SYNJ2: variants seen among roughly 807,000 people sequenced by gnomAD.
SYNJ2 encodes synaptojanin 2.
In SYNJ2, 116 loss-of-function variants were observed where a neutral mutation model predicts 141.3. The ratio of observed to expected loss-of-function variants is 0.82; its 90% confidence interval spans 0.71 to 0.96. The LOEUF is 0.96. Ranked by LOEUF, SYNJ2 falls within the 40% of genes least tolerant of loss-of-function variation. The pLI is 0.00. For synonymous variants in SYNJ2, 745 were observed against 777.7 expected, an observed-to-expected ratio of 0.96 and a Z score of 0.70; for missense variants, 1,873 against 1,934.8, an observed-to-expected ratio of 0.97 and a Z score of 0.60.
rs1780047609 is a variant in SYNJ2, at chr6:158,043,225, C to T, written c.712-91C>T. The T allele has an allele frequency of 1.1e-5, 12 of 1,109,500 alleles. No individual in the cohort carries two copies. Among genetic ancestry groups the T allele is most frequent in the East Asian group, 2.4e-5 (1 of 41,330 alleles). The allele number at this position is 1,109,500 out of a possible 1,614,324, so 68.7% of individuals were successfully genotyped here. A position where few individuals can be genotyped will look rare whatever the true frequency, so the allele number is the denominator to read the frequency against. On this transcript the variant is annotated intron_variant, in intron 4 of 26. Coordinates refer to ENST00000355585, the MANE Select transcript of SYNJ2 (RefSeq NM_003898.4). This position sits in a 1 kb window ranked among gnomAD's most constrained non-coding sequence, Gnocchi z 4.0. The stretch of plus-strand genomic sequence containing the variant: ...GTCCGCCCTTCATTCTGGCTGGTGT[C>T]GGGTCACAGGTGGCCGGATCCCGTT...
rs1241557420 is a variant in SYNJ2, at chr6:158,043,914, T to C, written c.795+515T>C. On this transcript the variant is annotated intron_variant, in intron 5 of 26. Transcript: ENST00000355585. This position sits in a 1 kb window ranked among gnomAD's most constrained non-coding sequence, Gnocchi z 4.0. ...CCGTCCAAAGCAGGGCTCTGGTCAG[T>C]GCCAGAGAGATTTGGCATTCTTTCT... Among the ~76,000 whole-genome samples, 1 of 152,218 alleles carries C rather than the reference T, an allele frequency of 6.6e-6. No individual in the cohort carries two copies. Among genetic ancestry groups the C allele is most frequent in the Non-Finnish European group, 1.5e-5 (1 of 68,034 alleles).
At chr6:157,993,034 T>C (rs1777508505) in intron 1 of SYNJ2, among the ~76,000 whole-genome samples, 1 of 152,260 alleles carries the variant, frequency 6.6e-6, no homozygotes, top group Non-Finnish European at 1.5e-5. Context: ...TTCTCCATAG[T>C]GGTTGTACGC....
intron 9 of SYNJ2, among the ~76,000 whole-genome samples, chr6:158,064,109 C>A (rs964365104): frequency 2.6e-5 from 4 of 152,238 alleles, no homozygotes; most frequent in African/African-American, 9.6e-5. Context: ...GCATCCCAGA[C>A]ATGGTGGCCC....
At position 158,096,161 on chromosome 6, in the gene SYNJ2, C is replaced by T. The variant is rs189170886; in HGVS notation, c.4288C>T (p.Leu1430Phe). The change falls in exon 27 of 27, where the codon CTT becomes TTT. Residue 1430 changes from leucine (L) to phenylalanine (F), a missense_variant. Transcript: ENST00000355585. ...CCCTAAACTGTTGAATAACACTTGG[C>T]TTTCTAAGAGCTCAGACCCTTTGGA... is the stretch of plus-strand genomic sequence containing the variant. ...HHPKLLNNTWLSKSSDPLDSG... is the reference protein window; with the variant it reads ...HHPKLLNNTWFSKSSDPLDSG... The T allele has an allele frequency of 9.8e-5, 159 of 1,614,244 alleles. No individual in the cohort carries two copies. The East Asian group carries it at 3.0e-3, about 31-fold the overall frequency.
chr6:158,067,044 G>A (rs1393608704), intron 12 of SYNJ2, among the ~76,000 whole-genome samples: 1 of 152,116 alleles, frequency 6.6e-6, no homozygotes, highest in Admixed American at 6.5e-5. Flanking sequence ...TTTGAGACAA[G>A]TTTCACTCTT....
intron 1 of SYNJ2, among the ~76,000 whole-genome samples, chr6:157,989,106 C>G (rs1377412422): frequency 6.6e-6 from 1 of 152,156 alleles, no homozygotes; most frequent in Non-Finnish European, 1.5e-5. Flanking sequence ...GAAACAGTCC[C>G]AGATCACTAG....
At chr6:158,039,708 C>G (rs1352522740) in intron 4 of SYNJ2, among the ~76,000 whole-genome samples, 1 of 151,946 alleles carries the variant, frequency 6.6e-6, no homozygotes, top group East Asian at 1.9e-4. Context: ...GCCTCCCCCT[C>G]CACCTGACAT....
chr6:158,031,255 G>A (rs768851370), intron 3 of SYNJ2, among the ~76,000 whole-genome samples: 8 of 152,346 alleles, frequency 5.3e-5, no homozygotes, highest in South Asian at 2.1e-4. Flanking sequence ...AGCTCTCAGC[G>A]GCAGTGAGGG....
intron 6 of SYNJ2, among the ~76,000 whole-genome samples, chr6:158,055,994 A>G (rs541912749): frequency 6.6e-5 from 10 of 152,358 alleles, no homozygotes; most frequent in South Asian, 6.2e-4. Flanking sequence ...AATAGTGAAC[A>G]TGAAACCAAA....
chr6:158,071,570 G>C lies in SYNJ2; in HGVS notation c.1941-32G>C. On this transcript the variant is annotated intron_variant, in intron 14 of 26. Coordinates refer to ENST00000355585, the MANE Select transcript of SYNJ2 (RefSeq NM_003898.4). The surrounding 1 kb of genome is among the most constrained non-coding windows in gnomAD (Gnocchi z 4.3). The stretch of plus-strand genomic sequence containing the variant: ...GCAGGGTCACACTTCTCCTTCAGGA[G>C]CCGACGGCATGCGCGTATCCTTCTG... 1.3e-6 allele frequency: 2 copies of C among 1,596,714 alleles called. No individual in the cohort carries two copies. The highest frequency in any genetic ancestry group is 1.7e-6 in the Non-Finnish European group (2 of 1,170,962).
chr6:158,025,490 A>G (rs1778993934), intron 2 of SYNJ2, among the ~76,000 whole-genome samples: 2 of 151,998 alleles, frequency 1.3e-5, no homozygotes, highest in African/African-American at 4.8e-5. Context: ...AGCCTGGCCA[A>G]CATGGTAACA....
chr6:158,000,758 C>A (rs967311673), intron 1 of SYNJ2, among the ~76,000 whole-genome samples: 3 of 152,104 alleles, frequency 2.0e-5, no homozygotes, highest in Non-Finnish European at 2.9e-5. Flanking sequence ...TGAACACTTC[C>A]CTTACAGCAC....
rs770955254 is a variant in SYNJ2, at chr6:158,096,370, C to A, written c.*6C>A. 5.0e-6 allele frequency: 8 copies of A among 1,594,470 alleles called. No homozygotes were observed. Among genetic ancestry groups the A allele is most frequent in the African/African-American group, 1.3e-5 (1 of 74,092 alleles). On this transcript the variant is annotated 3_prime_UTR_variant, in exon 27 of 27. Transcript: ENST00000355585. Reference sequence around the variant, plus strand: ...ACCCACTGGCAAAAACATGACTGAGCAGCTTTGAAGGCTGCAGTCCTATAG... The same window carrying A: ...ACCCACTGGCAAAAACATGACTGAGAAGCTTTGAAGGCTGCAGTCCTATAG...
rs1348060309 is a variant in SYNJ2 at position 158,029,032 on chromosome 6, G to T, written c.485+6G>T. 6.8e-6 allele frequency: 11 copies of T among 1,613,602 alleles called. No homozygotes were observed. Among genetic ancestry groups the T allele is most frequent in the African/African-American group, 2.7e-5 (2 of 74,906 alleles). On this transcript the variant is annotated splice_donor_region_variant and intron_variant, in intron 3 of 26. Coordinates refer to ENST00000355585, the MANE Select transcript of SYNJ2 (RefSeq NM_003898.4). ...TGGGGGAACTCCTTCTTCTGGTGAG[G>T]CCCTGGGTCCCCTGCAGAGGGTGGG...
chr6:158,093,110 A>G lies in SYNJ2; in HGVS notation c.3744+6A>G. The G allele has an allele frequency of 6.2e-7, 1 of 1,608,524 alleles. No homozygotes were observed. Among genetic ancestry groups the G allele is most frequent in the East Asian group, 2.2e-5 (1 of 44,810 alleles). On this transcript the variant is annotated splice_donor_region_variant and intron_variant, in intron 26 of 26. Transcript: ENST00000355585. ...CCTTGAGAAGGACAGGAAAGGTAAA[A>G]GCCTGGTAACATAAAACCTCTTACT...
chr6:158,092,786 G>T lies in SYNJ2; in HGVS notation c.3566-140G>T, dbSNP rs1044464260. 1.2e-5 allele frequency: 10 copies of T among 814,480 alleles called. No individual in the cohort carries two copies. In the East Asian group the frequency reaches 3.0e-4, roughly 24 times the overall value. The allele number at this position is 814,480 out of a possible 1,614,324, so 50.5% of individuals were successfully genotyped here. On this transcript the variant is annotated intron_variant, in intron 25 of 26. Coordinates refer to ENST00000355585, the MANE Select transcript of SYNJ2 (RefSeq NM_003898.4). Reference sequence around the variant, plus strand: ...TCTTAAAAAAGAAAAAAGAAAAAAAGCTGGGACTGAATCTAGCTGATTACT... The same window carrying T: ...TCTTAAAAAAGAAAAAAGAAAAAAATCTGGGACTGAATCTAGCTGATTACT...
intron 5 of SYNJ2, among the ~76,000 whole-genome samples, chr6:158,045,694 C>T (rs1175209307): frequency 6.6e-6 from 1 of 152,094 alleles, no homozygotes; most frequent in Non-Finnish European, 1.5e-5. Flanking sequence ...TCTCAATGTT[C>T]TCATCTCCCT....
intron 2 of SYNJ2, among the ~76,000 whole-genome samples, chr6:158,022,012 C>T (rs929156378): frequency 6.6e-6 from 1 of 152,154 alleles, no homozygotes; most frequent in Admixed American, 6.5e-5. Flanking sequence ...CTGCTGTGGC[C>T]GCCGCTGCCT....
At chr6:158,017,435 A>G (rs550031754) in intron 2 of SYNJ2, 145 bp downstream of exon 2, 1 of 1,138,332 alleles carries the variant, frequency 8.8e-7, no homozygotes, top group African/African-American at 1.7e-5. Context: ...TTTCTCCGAG[A>G]TAGAGTTTTG....
Sources: gnomAD v4.1 joint callset for allele counts (sites outside exome capture counted in the v4.1 genomes callset) on GRCh38, gnomAD v4.1.1 for gene constraint, Gnocchi (gnomAD v3.1) non-coding constraint, MANE v1.5 for transcripts, NCBI Gene and HGNC (gene_info 2026-07-23, HGNC 2026-07-21) for gene names.